The following PCDH17 variants were observed in gnomAD, a reference collection of about 807,000 sequenced individuals.
The protein encoded by PCDH17 is protocadherin 17.
PCDH17 carries 21 observed loss-of-function variants against 67.7 expected under a neutral mutation model. The ratio of observed to expected loss-of-function variants is 0.31; its 90% CI spans 0.22 to 0.45. The LOEUF (loss-of-function observed/expected upper bound fraction) is 0.45, where lower values mean the gene tolerates loss of function less well. Among genes scored for constraint, PCDH17 ranks in the 20% least tolerant of loss-of-function variants. PCDH17 has a pLI of 1.00. For synonymous variants in PCDH17, 701 were observed against 656.7 expected (o/e 1.07, Z -1.03); for missense variants, 1,471 against 1,564.8 (o/e 0.94, Z 1.01).
In PCDH17 at chr13:57,725,187, A is replaced by G. The variant is rs763370595; in HGVS notation, c.3373A>G (p.Asn1125Asp). Reference sequence around the variant, plus strand: ...TGTTCTTGAGCAGCTTGACCACCCCAACAGGGATCTGGGCAGAGAGTCTGT... The same window carrying G: ...TGTTCTTGAGCAGCTTGACCACCCCGACAGGGATCTGGGCAGAGAGTCTGT... ...GAVLEQLDHP[N>D]RDLGRESVDA... is the part of the protein sequence containing the mutation. The change falls in exon 4 of 4, where the codon AAC becomes GAC. Residue 1125 changes from asparagine (N) to aspartate (D), a missense_variant. This residue lies in a region of PCDH17 where 297 missense variants were observed against 298.6 expected (regional missense o/e 0.99). Coordinates refer to ENST00000377918, the MANE Select transcript of PCDH17 (RefSeq NM_001040429.3). 3 of 1,614,006 alleles carry G rather than the reference A, an allele frequency of 1.9e-6. No homozygotes were observed. The highest frequency in any genetic ancestry group is 2.5e-6 in the Non-Finnish European group (3 of 1,180,010).
At chr13:57,713,121 C>T (rs963745146) in intron 3 of PCDH17, among the ~76,000 whole-genome samples, 1 of 151,634 alleles carries the variant, frequency 6.6e-6, no homozygotes, top group African/African-American at 2.4e-5. Flanking sequence ...TAAAGAGCCA[C>T]ATCTCCTCTC....
chr13:57,678,767 TA>T (rs1385057931), intron 3 of PCDH17, among the ~76,000 whole-genome samples: 2 of 151,462 alleles, frequency 1.3e-5, no homozygotes, highest in Non-Finnish European at 3.0e-5. Flanking sequence ...AAACAAGAAA[TA>T]GGGGCATGGA....
At chr13:57,675,642 A>G (rs1299368501) in intron 3 of PCDH17, among the ~76,000 whole-genome samples, 1 of 151,970 alleles carries the variant, frequency 6.6e-6, no homozygotes, top group Non-Finnish European at 1.5e-5. Flanking sequence ...AAACACTCAG[A>G]AGCACAGATG....
At chr13:57,661,166 T>C (rs1044705265) in intron 1 of PCDH17, among the ~76,000 whole-genome samples, 1 of 152,156 alleles carries the variant, frequency 6.6e-6, no homozygotes, top group Non-Finnish European at 1.5e-5. Context: ...TCAGCATTAG[T>C]ATTGTTAAGT....
chr13:57,662,493 C>T lies in PCDH17; in HGVS notation c.2566-3975C>T, dbSNP rs974505087. On this transcript the variant is annotated intron_variant, in intron 1 of 3. Transcript: ENST00000377918. ...ATTTGTTGAACAATTAATTGATAGG[C>T]GCTATTATAAGTGTATTGTTTTTAC... 5.9e-5 allele frequency among the ~76,000 whole-genome samples: 9 copies of T among 152,114 alleles called. No individual in the cohort carries two copies. In the East Asian group the frequency reaches 1.5e-3, roughly 26 times the overall value.
At chr13:57,717,892 G>A (rs1481183097) in intron 3 of PCDH17, among the ~76,000 whole-genome samples, 2 of 151,818 alleles carry the variant, frequency 1.3e-5, no homozygotes, top group Non-Finnish European at 2.9e-5. Flanking sequence ...AATTCTTTAT[G>A]GGGCTGATTT....
In PCDH17 at chr13:57,634,261, C is replaced by G. The variant is rs1467568355; in HGVS notation, c.1715C>G (p.Thr572Arg). 1 of 1,613,102 alleles carries G rather than the reference C, an allele frequency of 6.2e-7. No individual in the cohort carries two copies. The highest frequency in any genetic ancestry group is 8.5e-7 in the Non-Finnish European group (1 of 1,180,026). ...HLESNATVRV[T>R]VLDVNDNAPV... Reference sequence around the variant, plus strand: ...GAGAGCAACGCCACGGTGAGGGTGACAGTGCTAGACGTGAATGACAACGCG... The same window carrying G: ...GAGAGCAACGCCACGGTGAGGGTGAGAGTGCTAGACGTGAATGACAACGCG... The change falls in exon 1 of 4, where the codon ACA (threonine) becomes AGA (arginine). Residue 572 changes from threonine to arginine, a missense_variant. By Grantham distance (71) the Thr-to-Arg change is moderately conservative. Coordinates refer to ENST00000377918, the MANE Select transcript of PCDH17 (RefSeq NM_001040429.3). The surrounding 1 kb of genome is among the most constrained non-coding windows in gnomAD (Gnocchi z 7.8).
chr13:57,672,070 T>C (rs906623814), intron 3 of PCDH17, among the ~76,000 whole-genome samples: 1 of 152,096 alleles, frequency 6.6e-6, no homozygotes, highest in African/African-American at 2.4e-5. Flanking sequence ...AGTTTTAAAA[T>C]TTCATAATGA....
At chr13:57,675,947 C>T (rs920628233) in intron 3 of PCDH17, among the ~76,000 whole-genome samples, 1 of 151,596 alleles carries the variant, frequency 6.6e-6, no homozygotes, top group African/African-American at 2.4e-5. Flanking sequence ...ACAAAGTAAG[C>T]GATTAAAAAC....
At chr13:57,661,497 T>C (rs1955183315) in intron 1 of PCDH17, among the ~76,000 whole-genome samples, 1 of 152,184 alleles carries the variant, frequency 6.6e-6, no homozygotes, top group Non-Finnish European at 1.5e-5. Flanking sequence ...CTTCTGTGGA[T>C]CATGCTTTGA....
At chr13:57,671,259 T>C (rs1288273946) in intron 3 of PCDH17, among the ~76,000 whole-genome samples, 1 of 151,812 alleles carries the variant, frequency 6.6e-6, no homozygotes, top group Non-Finnish European at 1.5e-5. Flanking sequence ...TAATAAATTA[T>C]TGTTTATTTT....
At chr13:57,695,632 A>C (rs1188506955) in intron 3 of PCDH17, among the ~76,000 whole-genome samples, 1 of 151,238 alleles carries the variant, frequency 6.6e-6, no homozygotes, top group Non-Finnish European at 1.5e-5. Flanking sequence ...TTCCCTCCGC[A>C]AAACTACATT....
chr13:57,654,175 A>G (rs1481006344), intron 1 of PCDH17, among the ~76,000 whole-genome samples: 1 of 152,140 alleles, frequency 6.6e-6, no homozygotes, highest in African/African-American at 2.4e-5. Context: ...AGGAGTCAAC[A>G]ACTTTTTCTG....
chr13:57,694,752 A>C (rs911202038), intron 3 of PCDH17, among the ~76,000 whole-genome samples: 3 of 151,208 alleles, frequency 2.0e-5, no homozygotes, highest in Admixed American at 6.6e-5. Context: ...AACCAAAAAA[A>C]CAGTTACAGT....
chr13:57,653,410 G>A (rs981786988), intron 1 of PCDH17, among the ~76,000 whole-genome samples: 8 of 152,034 alleles, frequency 5.3e-5, no homozygotes, highest in African/African-American at 1.9e-4. Context: ...AAATAGAGTA[G>A]AATAGAAAGC....
At chr13:57,653,373 A>G (rs969047531) in intron 1 of PCDH17, among the ~76,000 whole-genome samples, 6 of 152,124 alleles carry the variant, frequency 3.9e-5, no homozygotes, top group African/African-American at 1.4e-4. Context: ...GAGAATAATA[A>G]ATCTGTAAAA....
intron 1 of PCDH17, among the ~76,000 whole-genome samples, chr13:57,663,133 A>G (rs544297384): frequency 6.6e-6 from 1 of 152,226 alleles, no homozygotes; most frequent in Admixed American, 6.5e-5. Flanking sequence ...GAAAACATTT[A>G]TGTAGCTACC....
At chr13:57,678,747 A>G (rs74079915) in intron 3 of PCDH17, among the ~76,000 whole-genome samples, 75 of 151,754 alleles carry the variant, frequency 4.9e-4, no homozygotes, top group African/African-American at 1.7e-3. Context: ...TCATATTTAT[A>G]ATTGGTAAAA....
chr13:57,659,133 A>G (rs376111941), intron 1 of PCDH17, among the ~76,000 whole-genome samples: 13 of 90,212 alleles, frequency 1.4e-4, no homozygotes, highest in Admixed American at 3.5e-4. Context: ...GTGTGTGTGT[A>G]TACACACACA....
Sources: gnomAD v4.1 joint callset for allele counts (sites outside exome capture counted in the v4.1 genomes callset) on GRCh38, gnomAD v4.1.1 for gene constraint, gnomAD v4.1.1 regional missense constraint, Gnocchi (gnomAD v3.1) non-coding constraint, MANE v1.5 for transcripts, NCBI Gene and HGNC (gene_info 2026-07-23, HGNC 2026-07-21) for gene names.